ESRRG: variants seen among roughly 807,000 people sequenced by gnomAD.
ESRRG encodes the protein estrogen-related receptor gamma.
ESRRG carries 13 observed loss-of-function variants against 44.0 expected under a neutral mutation model. The observed-to-expected ratio is 0.30, with a 90% CI of 0.19 to 0.47. The LOEUF is 0.47. Among genes scored for constraint, ESRRG ranks in the 20% least tolerant of loss-of-function variants. ESRRG has a pLI of 1.00. For missense variants in ESRRG, 395 were observed against 580.6 expected (o/e 0.68, Z 3.29); for synonymous variants, 215 against 214.6 (o/e 1.00, Z -0.02).
chr1:216,952,749 G>C (rs1267092993), intron 1 of ESRRG, among the ~76,000 whole-genome samples: 1 of 151,948 alleles, frequency 6.6e-6, no homozygotes, highest in Admixed American at 6.6e-5. Context: ...CAGTCTTCCA[G>C]AAACAGCTCC....
intron 6 of ESRRG, among the ~76,000 whole-genome samples, chr1:216,518,652 C>A (rs1558216635): frequency 2.0e-5 from 3 of 152,080 alleles, no homozygotes; most frequent in Non-Finnish European, 4.4e-5. Context: ...AATTCTTAAC[C>A]CTTACTGCAT....
At chr1:216,932,719 G>GC (rs2063533362) in intron 2 of ESRRG, among the ~76,000 whole-genome samples, 1 of 70,300 alleles carries the variant, frequency 1.4e-5, no homozygotes, top group Non-Finnish European at 2.7e-5. Flanking sequence ...CACCAAACTT[G>GC]TTTTTTTTTT....
chr1:216,813,569 A>G (rs2095041758), intron 2 of ESRRG, among the ~76,000 whole-genome samples: 1 of 152,326 alleles, frequency 6.6e-6, no homozygotes, highest in African/African-American at 2.4e-5. Context: ...TTTTGAAGCC[A>G]GAAAATTAAG....
chr1:216,512,022 T>C (rs576361616), intron 6 of ESRRG, among the ~76,000 whole-genome samples: 1 of 152,178 alleles, frequency 6.6e-6, no homozygotes, highest in East Asian at 1.9e-4. Flanking sequence ...GGTAACCAAA[T>C]AAGAGATAAG....
At chr1:216,713,941 T>C (rs896556383) in intron 1 of ESRRG, among the ~76,000 whole-genome samples, 3 of 152,206 alleles carry the variant, frequency 2.0e-5, no homozygotes, top group African/African-American at 7.2e-5. Context: ...ACAGCACAGT[T>C]AACTGAAAAC....
chr1:216,885,311 G>T (rs974384523), intron 2 of ESRRG, among the ~76,000 whole-genome samples: 9 of 152,056 alleles, frequency 5.9e-5, no homozygotes, highest in Non-Finnish European at 5.9e-5. Context: ...ACACAAATAG[G>T]ATATATGTTC....
intron 1 of ESRRG, among the ~76,000 whole-genome samples, chr1:217,019,990 T>A (rs1437632835): frequency 6.6e-6 from 1 of 152,126 alleles, no homozygotes; most frequent in African/African-American, 2.4e-5. Flanking sequence ...GGTACCCGGA[T>A]AAAATGACCT....
At chr1:216,530,002 C>T (rs1039757717) in intron 5 of ESRRG, among the ~76,000 whole-genome samples, 1 of 150,772 alleles carries the variant, frequency 6.6e-6, no homozygotes, top group Non-Finnish European at 1.5e-5. Flanking sequence ...TTCCCAGCTA[C>T]TCAGGAGGCT....
chr1:217,038,334 C>A (rs1483638545), intron 1 of ESRRG, among the ~76,000 whole-genome samples: 2 of 152,208 alleles, frequency 1.3e-5, no homozygotes, highest in Non-Finnish European at 2.9e-5. Context: ...AACCTCAATT[C>A]TTGACTTTTG....
At chr1:216,529,898 G>A (rs769116600) in intron 5 of ESRRG, among the ~76,000 whole-genome samples, 2 of 151,860 alleles carry the variant, frequency 1.3e-5, no homozygotes, top group African/African-American at 2.4e-5. Flanking sequence ...GATCACTTGA[G>A]GTCAGGAGCT....
At chr1:217,122,457 T>C (rs1413586378) in intron 1 of ESRRG, among the ~76,000 whole-genome samples, 1 of 152,146 alleles carries the variant, frequency 6.6e-6, no homozygotes, top group African/African-American at 2.4e-5. Flanking sequence ...ATGATACCTG[T>C]ATTAAGGTAT....
intron 2 of ESRRG, among the ~76,000 whole-genome samples, chr1:216,919,993 G>C (rs145370093): frequency 8.5e-5 from 13 of 152,292 alleles, no homozygotes; most frequent in African/African-American, 1.4e-4. Context: ...GCCTACAAAA[G>C]GGTAGCACTA....
chr1:216,693,519 G>T (rs1037778831), intron 1 of ESRRG, among the ~76,000 whole-genome samples: 1 of 152,142 alleles, frequency 6.6e-6, no homozygotes, highest in Non-Finnish European at 1.5e-5. Flanking sequence ...GTCTACAGAT[G>T]CTCAAGTCCC....
At chr1:216,927,763 G>A (rs2062788447) in intron 2 of ESRRG, among the ~76,000 whole-genome samples, 1 of 152,150 alleles carries the variant, frequency 6.6e-6, no homozygotes, top group Non-Finnish European at 1.5e-5. Flanking sequence ...CCGCGGGACG[G>A]GGCTCCCAGA....
chr1:216,744,386 A>G (rs1438797878), intron 2 of ESRRG, among the ~76,000 whole-genome samples: 1 of 152,110 alleles, frequency 6.6e-6, no homozygotes, highest in African/African-American at 2.4e-5. Context: ...AGTAAACATC[A>G]ACTGTACAAC....
chr1:217,003,692 T>C (rs2077366566), intron 1 of ESRRG, among the ~76,000 whole-genome samples: 1 of 150,806 alleles, frequency 6.6e-6, no homozygotes, highest in Non-Finnish European at 1.5e-5. Context: ...GCCACTGAAA[T>C]GGCATTTACA....
chr1:216,872,031 G>T (rs2096266230), intron 2 of ESRRG, among the ~76,000 whole-genome samples: 1 of 152,026 alleles, frequency 6.6e-6, no homozygotes, highest in Non-Finnish European at 1.5e-5. Flanking sequence ...TTCATCTGAG[G>T]ATGTCTTTAG....
At chr1:216,696,330 CT>C (rs1346327731) in intron 1 of ESRRG, among the ~76,000 whole-genome samples, 1 of 152,144 alleles carries the variant, frequency 6.6e-6, no homozygotes, top group Non-Finnish European at 1.5e-5. Flanking sequence ...TAGCAGCCAA[CT>C]TAATATGTCA....
Position 216,961,798 on chromosome 1 carries a change from T to C in ESRRG, c.-105-22125A>G, listed in dbSNP as rs546609323. On this transcript the variant is annotated intron_variant, in intron 1 of 7. Coordinates refer to the ESRRG transcript ENST00000359162. ...TACTAGTAAAACTTCATTTAAGTTT[T>C]TTAATTCAATTGAACGAGAAGGTCA... Among the ~76,000 whole-genome samples, 14 of 152,288 alleles carry C rather than the reference T, an allele frequency of 9.2e-5. No individual in the cohort carries two copies. In the South Asian group the frequency reaches 2.7e-3, roughly 29 times the overall value.
Sources: gnomAD v4.1 joint callset for allele counts (sites outside exome capture counted in the v4.1 genomes callset) on GRCh38, gnomAD v4.1.1 for gene constraint, MANE v1.5 for transcripts, NCBI Gene and HGNC (gene_info 2026-07-23, HGNC 2026-07-21) for gene names.